Variants in GALK2 observed in about 807,000 individuals in gnomAD.
GALK2 encodes N-acetylgalactosamine kinase.
A neutral mutation model predicts 52.4 loss-of-function variants in GALK2; 36 were observed. The observed-to-expected ratio is 0.69, with a 90% CI of 0.53 to 0.91. The LOEUF (loss-of-function observed/expected upper bound fraction) is 0.91, where lower values mean the gene tolerates loss of function less well. Ranked by LOEUF, GALK2 falls within the 40% of genes least tolerant of loss-of-function variation. The pLI, the probability that GALK2 is intolerant of heterozygous loss-of-function variation, is 0.00. For missense variants in GALK2, 579 were observed against 559.1 expected, an observed-to-expected ratio of 1.04 and a Z score of -0.36; for synonymous variants, 176 against 199.1, an observed-to-expected ratio of 0.88 and a Z score of 0.98.
intron 3 of GALK2, among the ~76,000 whole-genome samples, chr15:49,233,471 A>C (rs2090620280): frequency 6.6e-6 from 1 of 152,220 alleles, no homozygotes; most frequent in South Asian, 2.1e-4. Flanking sequence ...TTGCTCATGT[A>C]GCTTCCTACA....
At chr15:49,299,746 T>TCTTTCTTTCTTTCTTTCTTTC (rs2034865479) in intron 8 of GALK2, among the ~76,000 whole-genome samples, 7 of 126,680 alleles carry the variant, frequency 5.5e-5, no homozygotes, top group African/African-American at 2.1e-4. Flanking sequence ...TTTCTTTCTT[T>TCTTTCTTTCTTTCTTTCTTTC]CTTTCTTTCT....
chr15:49,346,741 T>A (rs1398698554), intron 3 of GALK2, among the ~76,000 whole-genome samples: 1 of 152,140 alleles, frequency 6.6e-6, no homozygotes, highest in African/African-American at 2.4e-5. Context: ...TAATGCTAAT[T>A]GTATAACAAG....
chr15:49,339,062 T>A (rs942116037), intron 3 of GALK2, among the ~76,000 whole-genome samples: 1 of 152,212 alleles, frequency 6.6e-6, no homozygotes, highest in Non-Finnish European at 1.5e-5. Flanking sequence ...CTTGCTTGCA[T>A]TGGGTCAGAA....
At chr15:49,323,749 C>G (rs976016626) in intron 9 of GALK2, among the ~76,000 whole-genome samples, 1 of 152,098 alleles carries the variant, frequency 6.6e-6, no homozygotes, top group Non-Finnish European at 1.5e-5. Context: ...AGCACCACTG[C>G]TAGCTGTCTT....
intron 7 of GALK2, among the ~76,000 whole-genome samples, chr15:49,284,154 C>A (rs939709555): frequency 6.6e-6 from 1 of 152,080 alleles, no homozygotes; most frequent in Non-Finnish European, 1.5e-5. Context: ...GACCCCGTAC[C>A]CAGAAAGAAG....
chr15:49,298,624 GTTC>G (rs1288812427), intron 8 of GALK2, among the ~76,000 whole-genome samples: 1 of 152,084 alleles, frequency 6.6e-6, no homozygotes, highest in Non-Finnish European at 1.5e-5. Flanking sequence ...AACATAAGGA[GTTC>G]TTGAATTTTA....
intron 3 of GALK2, among the ~76,000 whole-genome samples, chr15:49,347,172 C>T (rs2041629286): frequency 6.6e-6 from 1 of 152,156 alleles, no homozygotes; most frequent in Admixed American, 6.5e-5. Context: ...CTATTGAAAA[C>T]ATTAACACTT....
chr15:49,365,660 T>C (rs766486053), intron 3 of GALK2: 3 of 1,071,400 alleles, frequency 2.8e-6, no homozygotes, highest in Non-Finnish European at 4.4e-6. Context: ...CCTAGAAGTA[T>C]CACACATGAC....
chr15:49,301,715 A>T (rs549358237), intron 8 of GALK2, among the ~76,000 whole-genome samples: 1 of 152,258 alleles, frequency 6.6e-6, no homozygotes, highest in South Asian at 2.1e-4. Context: ...CCAGCTGCTT[A>T]GCCACACTGT....
At chr15:49,280,143 AGAAACAT>A (rs2141749757) in intron 5 of GALK2, among the ~76,000 whole-genome samples, 2 of 152,382 alleles carry the variant, frequency 1.3e-5, no homozygotes, top group East Asian at 3.9e-4. Flanking sequence ...CAGATGTGAT[AGAAACAT>A]GAAACAATTA....
intron 8 of GALK2, among the ~76,000 whole-genome samples, chr15:49,301,096 C>G (rs1172789449): frequency 6.6e-6 from 1 of 151,974 alleles, no homozygotes; most frequent in East Asian, 1.9e-4. Context: ...GGATATGAAA[C>G]TCTTGGTTGG....
chr15:49,182,786 C>G (rs886712412), intron 1 of GALK2, among the ~76,000 whole-genome samples: 1 of 151,948 alleles, frequency 6.6e-6, no homozygotes, highest in Admixed American at 6.6e-5. Flanking sequence ...ATTTTTATGT[C>G]TTTTGAAAAA....
At chr15:49,173,669 T>G (rs920520282) in intron 1 of GALK2, among the ~76,000 whole-genome samples, 3 of 152,216 alleles carry the variant, frequency 2.0e-5, no homozygotes, top group Non-Finnish European at 4.4e-5. Flanking sequence ...TTTGTTTTTT[T>G]TTACTTACTT....
chr15:49,282,984 A>C (rs1443711118), intron 6 of GALK2, among the ~76,000 whole-genome samples: 1 of 152,206 alleles, frequency 6.6e-6, no homozygotes, highest in Non-Finnish European at 1.5e-5. Flanking sequence ...CTTACAAAAC[A>C]CTTCACCATC....
At chr15:49,277,428 A>G (rs368452831) in intron 5 of GALK2, among the ~76,000 whole-genome samples, 8,283 of 139,814 alleles carry the variant, frequency 0.059, 466 homozygotes, top group African/African-American at 0.15. Flanking sequence ...TCGGCCTCCC[A>G]AAGTGCTGGG....
At chr15:49,277,168 T>A (rs2031899592) in intron 5 of GALK2, among the ~76,000 whole-genome samples, 1 of 24,656 alleles carries the variant, frequency 4.1e-5, no homozygotes, top group African/African-American at 3.1e-4. Flanking sequence ...TTTTTTTTTT[T>A]TTTTTTTTTT....
chr15:49,308,092 G>A (rs1172679318), intron 8 of GALK2, among the ~76,000 whole-genome samples: 3 of 152,142 alleles, frequency 2.0e-5, no homozygotes, highest in African/African-American at 7.2e-5. Flanking sequence ...GCTTCAATGA[G>A]GATTATTCAA....
chr15:49,207,484 CTT>C (rs1192924568), intron 2 of GALK2, among the ~76,000 whole-genome samples: 2 of 151,294 alleles, frequency 1.3e-5, no homozygotes, highest in Non-Finnish European at 2.9e-5. Flanking sequence ...TGGTCCTGTA[CTT>C]TTTTTTTGTT....
intron 4 of GALK2, among the ~76,000 whole-genome samples, chr15:49,237,851 A>AT (rs564652635): frequency 2.0e-4 from 29 of 148,204 alleles, no homozygotes; most frequent in Admixed American, 3.4e-4. Context: ...GTATTCTTCA[A>AT]TTTTTTTTTT....
Sources: gnomAD v4.1 joint callset for allele counts (sites outside exome capture counted in the v4.1 genomes callset) on GRCh38, gnomAD v4.1.1 for gene constraint, MANE v1.5 for transcripts, NCBI Gene and HGNC (gene_info 2026-07-23, HGNC 2026-07-21) for gene names.